The following EXOC6 variants were observed in gnomAD, a reference collection of about 807,000 sequenced individuals.
The protein encoded by EXOC6 is exocyst complex component 6.
EXOC6 carries 60 observed loss-of-function variants against 112.5 expected under a neutral mutation model. That is an observed-to-expected ratio of 0.53 (90% CI 0.43 to 0.66). EXOC6 has a LOEUF of 0.66. Among genes scored for constraint, EXOC6 ranks in the 30% least tolerant of loss-of-function variants. EXOC6 has a pLI of 0.00. For missense variants in EXOC6, 855 were observed against 957.1 expected, an observed-to-expected ratio of 0.89 and a Z score of 1.41; for synonymous variants, 295 against 308.0, an observed-to-expected ratio of 0.96 and a Z score of 0.44.
At chr10:93,034,945 A>G (rs1305571359) in intron 20 of EXOC6, among the ~76,000 whole-genome samples, 1 of 152,214 alleles carries the variant, frequency 6.6e-6, no homozygotes, top group Non-Finnish European at 1.5e-5. Context: ...ATGCTTGACT[A>G]GATATAGTAG....
intron 14 of EXOC6, among the ~76,000 whole-genome samples, chr10:92,949,741 C>T (rs558145679): frequency 4.6e-5 from 7 of 151,968 alleles, no homozygotes; most frequent in Non-Finnish European, 7.4e-5. Context: ...TACAGGCATG[C>T]GCCACCATGC....
chr10:92,899,034 A>T (rs1365686446), intron 4 of EXOC6, among the ~76,000 whole-genome samples: 1 of 152,224 alleles, frequency 6.6e-6, no homozygotes, highest in Non-Finnish European at 1.5e-5. Context: ...GAAAGGATGA[A>T]ATGAATAAAG....
intron 20 of EXOC6, among the ~76,000 whole-genome samples, chr10:93,053,222 C>T (rs558587829): frequency 1.3e-5 from 2 of 152,230 alleles, no homozygotes; most frequent in South Asian, 2.1e-4. Context: ...CTTTTAAAGT[C>T]ATCCCAATCA....
chr10:92,896,181 ATTTTTTTTTTTTTTTTT>A lies in EXOC6; in HGVS notation c.412+1181_412+1197del, dbSNP rs58783356. Reference sequence around the variant, plus strand: ...TATATATATATATATATATATATATATTTTTTTTTTTTTTTTTTTTTTTTTTTTTTTTTTTTGGCGGA... The same window carrying A: ...TATATATATATATATATATATATATATTTTTTTTTTTTTTTTTTTGGCGGA... On this transcript the variant is annotated intron_variant, in intron 4 of 21. Transcript: ENST00000260762. 6.9e-3 allele frequency among the ~76,000 whole-genome samples: 71 copies of A among 10,228 alleles called. 5 individuals are homozygous for A. Among genetic ancestry groups the A allele is most frequent in the African/African-American group, 0.017 (24 of 1,414 alleles). The allele number at this position is 10,228 out of a possible 152,430, so 6.7% of individuals were successfully genotyped here.
chr10:93,057,065 A>G (rs756878873), intron 21 of EXOC6, 29 bp downstream of exon 21: 12 of 1,207,396 alleles, frequency 9.9e-6, no homozygotes, highest in Non-Finnish European at 1.4e-5. Flanking sequence ...TTTTTTGTAT[A>G]ACATTTTAGC....
At chr10:93,001,466 T>C (rs1843752451) in intron 19 of EXOC6, among the ~76,000 whole-genome samples, 1 of 152,190 alleles carries the variant, frequency 6.6e-6, no homozygotes, top group African/African-American at 2.4e-5. Context: ...AAATTTCTCT[T>C]AATAGACCTA....
chr10:92,848,469 C>T, upstream of EXOC6: 1 of 1,202,974 alleles, frequency 8.3e-7, no homozygotes, highest in Non-Finnish European at 1.1e-6. Context: ...GCTCGCGCCA[C>T]TTGGAGCTCG....
intron 20 of EXOC6, among the ~76,000 whole-genome samples, chr10:93,052,721 G>T (rs1846358766): frequency 6.6e-6 from 1 of 152,232 alleles, no homozygotes; most frequent in South Asian, 2.1e-4. Context: ...TACTTTACTT[G>T]ACTATTGGAA....
chr10:92,997,436 T>C, intron 18 of EXOC6, 38 bp from the exon 19 acceptor site: 2 of 1,573,746 alleles, frequency 1.3e-6, no homozygotes, highest in Non-Finnish European at 1.7e-6. Context: ...TCTATGTGTG[T>C]TTATTTGTTT....
At chr10:92,920,970 G>C (rs1455720084) in intron 8 of EXOC6, among the ~76,000 whole-genome samples, 1 of 152,016 alleles carries the variant, frequency 6.6e-6, no homozygotes, top group Admixed American at 6.6e-5. Flanking sequence ...CAGTCTCTTT[G>C]TATCTTTGAA....
At position 92,955,715 on chromosome 10, in the gene EXOC6, G is replaced by A. The variant is rs1853654695; in HGVS notation, c.1773+1G>A. 5 of 1,601,862 alleles carry A rather than the reference G, an allele frequency of 3.1e-6. No homozygotes were observed. The highest frequency in any genetic ancestry group is 4.3e-6 in the Non-Finnish European group (5 of 1,176,278). ...ACTTTATGGACTTTCTACTTTCAAGGTATGTAAAAATTTGACCAAAAGTTT... is the reference window on the plus strand; with the variant it reads ...ACTTTATGGACTTTCTACTTTCAAGATATGTAAAAATTTGACCAAAAGTTT... On this transcript the variant is annotated splice_donor_variant, in intron 17 of 21. Coordinates refer to ENST00000260762, the MANE Select transcript of EXOC6 (RefSeq NM_019053.6). LOFTEE classifies it high-confidence loss of function.
chr10:92,953,298 T>C (rs7909581), intron 15 of EXOC6, among the ~76,000 whole-genome samples: 119,030 of 151,992 alleles, frequency 0.78, 47,879 homozygotes, highest in East Asian at 1. Flanking sequence ...AGGCTGGTTT[T>C]GAACTCTTGG....
chr10:93,000,319 C>A (rs534641528), intron 19 of EXOC6, among the ~76,000 whole-genome samples: 2 of 152,284 alleles, frequency 1.3e-5, no homozygotes, highest in South Asian at 4.1e-4. Flanking sequence ...CCTCTCTAGC[C>A]TATTGACATT....
At chr10:92,828,016 T>A (rs1328237809) in intron 1 of EXOC6, among the ~76,000 whole-genome samples, 2 of 152,248 alleles carry the variant, frequency 1.3e-5, no homozygotes, top group Admixed American at 1.3e-4. Flanking sequence ...GCTGCTTTTG[T>A]ATATGGTATC....
chr10:92,939,592 C>T (rs773239806), intron 12 of EXOC6, among the ~76,000 whole-genome samples: 2 of 151,830 alleles, frequency 1.3e-5, no homozygotes, highest in South Asian at 2.1e-4. Context: ...AGATGAAACA[C>T]GTGTTGGAAT....
chr10:92,857,767 T>A (rs1440441632), intron 1 of EXOC6, among the ~76,000 whole-genome samples: 2 of 122,210 alleles, frequency 1.6e-5, no homozygotes, highest in Non-Finnish European at 3.3e-5. Flanking sequence ...CATAGTTACC[T>A]TTACTGGTGT....
chr10:93,033,152 A>G (rs958398038), intron 20 of EXOC6, among the ~76,000 whole-genome samples: 57 of 152,332 alleles, frequency 3.7e-4, no homozygotes, highest in African/African-American at 1.3e-3. Flanking sequence ...GGTTAGTGTC[A>G]TACTCTGATT....
At chr10:93,024,107 A>T (rs1251576534) in intron 20 of EXOC6, among the ~76,000 whole-genome samples, 1 of 152,288 alleles carries the variant, frequency 6.6e-6, no homozygotes, top group South Asian at 2.1e-4. Flanking sequence ...TCTTTAACTG[A>T]TCCTGTTGCA....
intron 1 of EXOC6, among the ~76,000 whole-genome samples, chr10:92,852,619 T>C (rs569957474): frequency 2.0e-5 from 3 of 152,336 alleles, no homozygotes; most frequent in Non-Finnish European, 4.4e-5. Flanking sequence ...AGATGCTGGC[T>C]TAACATTTGA....
Sources: allele counts gnomAD v4.1 joint callset (sites outside exome capture counted in the v4.1 genomes callset), GRCh38; gene constraint gnomAD v4.1.1; transcripts MANE v1.5; gene names NCBI Gene and HGNC (gene_info 2026-07-23, HGNC 2026-07-21).